Variants in KIF27 observed in about 807,000 individuals in gnomAD.
KIF27 encodes the protein kinesin family member 27.
A neutral mutation model predicts 141.8 loss-of-function variants in KIF27; 84 were observed. The ratio of observed to expected loss-of-function variants is 0.59; its 90% confidence interval spans 0.50 to 0.71. The LOEUF (loss-of-function observed/expected upper bound fraction) is 0.71. KIF27 is among the 30% of genes least tolerant of loss of function. The probability of loss-of-function intolerance (pLI) is 0.00; values close to 1 mark genes in which losing one functional copy is unlikely to be tolerated. For missense variants in KIF27, 1,306 were observed against 1,628.4 expected, an observed-to-expected ratio of 0.80 and a Z score of 3.41; for synonymous variants, 471 against 569.5, an observed-to-expected ratio of 0.83 and a Z score of 2.46.
chr9:83,899,884 A>G, intron 4 of KIF27, 80 bp from the exon 5 acceptor site: 1 of 1,210,298 alleles, frequency 8.3e-7, no homozygotes, highest in Non-Finnish European at 1.1e-6. Context: ...AAAAATGGTG[A>G]TTTGATTATA....
chr9:83,903,544 A>G lies in KIF27; in HGVS notation c.974T>C (p.Phe325Ser), dbSNP rs779025482. The G allele has an allele frequency of 1.2e-6, 2 of 1,614,196 alleles. No individual in the cohort carries two copies. The highest frequency in any genetic ancestry group is 1.1e-5 in the South Asian group (1 of 91,076). The change falls in exon 4 of 18, where the codon TTT (phenylalanine) becomes TCT (serine). Residue 325 changes from phenylalanine to serine, a missense_variant. Transcript: ENST00000297814. ...ITCVSPSSSN[F>S]DESLNSLKYA... The stretch of plus-strand genomic sequence containing the variant: ...TTTGAGAGAATTTAAGGACTCATCA[A>G]AATTCGAGGAGGAGGGGCTGACACA...
At chr9:83,916,092 T>C (rs1464338371) in intron 1 of KIF27, among the ~76,000 whole-genome samples, 1 of 152,192 alleles carries the variant, frequency 6.6e-6, no homozygotes, top group Non-Finnish European at 1.5e-5. Context: ...AACGCAGTGG[T>C]GAGATCTCGG....
chr9:83,867,306 AATGTTC>A (rs1248503038), intron 13 of KIF27, among the ~76,000 whole-genome samples: 1 of 151,954 alleles, frequency 6.6e-6, no homozygotes, highest in Non-Finnish European at 1.5e-5. Flanking sequence ...TGTTACTATG[AATGTTC>A]ATGTTCAAGT....
At chr9:83,866,397 G>C (rs561765306) in intron 13 of KIF27, among the ~76,000 whole-genome samples, 65 of 152,178 alleles carry the variant, frequency 4.3e-4, no homozygotes, top group East Asian at 3.5e-3. Flanking sequence ...TAGGTACTTG[G>C]AATGCAGCAT....
At chr9:83,838,840 A>G (rs907046474) in intron 17 of KIF27, 17 of 152,216 alleles carry the variant, frequency 1.1e-4, no homozygotes, top group African/African-American at 4.1e-4. Context: ...CCCCTGGTTT[A>G]AAACATAACT....
chr9:83,918,741 G>C (rs914962432), intron 1 of KIF27, among the ~76,000 whole-genome samples: 4 of 151,912 alleles, frequency 2.6e-5, no homozygotes, highest in African/African-American at 9.7e-5. Flanking sequence ...AGGAGTTCAA[G>C]ACCAGCCTGG....
At chr9:83,888,835 A>C (rs1416173839) in intron 7 of KIF27, among the ~76,000 whole-genome samples, 1 of 151,388 alleles carries the variant, frequency 6.6e-6, no homozygotes, top group Non-Finnish European at 1.5e-5. Context: ...AAAAAAAAAA[A>C]AACCTCTGAA....
rs557103634 is a variant in KIF27 at position 83,910,745 on chromosome 9, C to T, written c.299-2093G>A. ...CAGCTTCTACAAACCAGAACACAGA[C>T]CGGTACCATAACATCATGAGTAAAC... On this transcript the variant is annotated intron_variant, in intron 2 of 17. Coordinates refer to ENST00000297814, the MANE Select transcript of KIF27 (RefSeq NM_017576.4). Among the ~76,000 whole-genome samples the T allele has an allele frequency of 3.3e-5, 5 of 152,320 alleles. No homozygotes were observed. In the South Asian group the frequency reaches 1.0e-3, roughly 32 times the overall value.
intron 13 of KIF27, among the ~76,000 whole-genome samples, chr9:83,864,040 T>A (rs1171229432): frequency 6.6e-6 from 1 of 152,200 alleles, no homozygotes; most frequent in East Asian, 1.9e-4. Context: ...TATCATTTTT[T>A]ATTGCGTCTA....
intron 5 of KIF27, among the ~76,000 whole-genome samples, chr9:83,893,176 A>G (rs1188862201): frequency 6.6e-6 from 1 of 152,204 alleles, no homozygotes; most frequent in Non-Finnish European, 1.5e-5. Context: ...GGTCGAGGCT[A>G]CAGTGACTCA....
At chr9:83,862,624 G>T (rs1273740518) in intron 13 of KIF27, among the ~76,000 whole-genome samples, 12 of 152,184 alleles carry the variant, frequency 7.9e-5, no homozygotes, top group Non-Finnish European at 1.3e-4. Context: ...CTCCAGCTTT[G>T]TTCTTTTGGC....
intron 16 of KIF27, among the ~76,000 whole-genome samples, chr9:83,847,176 C>A (rs35992705): frequency 6.6e-6 from 1 of 152,156 alleles, no homozygotes; most frequent in Non-Finnish European, 1.5e-5. Flanking sequence ...AAAGGGAATA[C>A]AGAATGGGTA....
At chr9:83,911,072 CT>C (rs1313616488) in intron 2 of KIF27, among the ~76,000 whole-genome samples, 2 of 151,916 alleles carry the variant, frequency 1.3e-5, no homozygotes, top group Non-Finnish European at 2.9e-5. Context: ...TTTTTCTTTT[CT>C]TTTTCTTTTT....
intron 11 of KIF27, 128 bp from the exon 12 acceptor site, chr9:83,870,760 G>A: frequency 7.1e-7 from 1 of 1,408,326 alleles, no homozygotes; most frequent in Non-Finnish European, 9.3e-7. Context: ...ACCCAGGCTG[G>A]AGTGCAGTGG....
At chr9:83,889,401 G>A (rs1345247298) in intron 6 of KIF27, 148 bp from the exon 7 acceptor site, 5 of 576,834 alleles carry the variant, frequency 8.7e-6, no homozygotes, top group East Asian at 5.9e-5. Flanking sequence ...CTCAAACAAA[G>A]GTCAAAATTA....
chr9:83,834,933 ATATATACAAGTGTT>A lies in KIF27; in HGVS notation c.*2054_*2067del, dbSNP rs1185098300. Among the ~76,000 whole-genome samples the A allele has an allele frequency of 6.7e-6, 1 of 148,954 alleles. No individual in the cohort carries two copies. Among genetic ancestry groups the A allele is most frequent in the Admixed American group, 6.8e-5 (1 of 14,808 alleles). On this transcript the variant is annotated 3_prime_UTR_variant, in exon 18 of 18. Coordinates refer to ENST00000297814, the MANE Select transcript of KIF27 (RefSeq NM_017576.4). ...TATACAAGTATATATATAATACTAT[ATATATACAAGTGTT>A]TATATACAAGTATATATAATGGTAA...
At chr9:83,920,371 CAAT>C (rs1956132875) in intron 1 of KIF27, among the ~76,000 whole-genome samples, 1 of 151,928 alleles carries the variant, frequency 6.6e-6, no homozygotes, top group Non-Finnish European at 1.5e-5. Context: ...ATTATGTTGC[CAAT>C]AAATGATTTA....
intron 16 of KIF27, among the ~76,000 whole-genome samples, chr9:83,844,093 A>G (rs993533964): frequency 5.3e-5 from 8 of 152,092 alleles, no homozygotes; most frequent in Non-Finnish European, 1.2e-4. Context: ...CTGCCAGCGA[A>G]TATGAAGCAG....
In KIF27 at chr9:83,904,122, TA is replaced by T. The variant is rs1000544688; in HGVS notation, c.500-105del. The T allele has an allele frequency of 8.1e-6, 6 of 744,862 alleles. No homozygotes were observed. The African/African-American group carries it at 8.7e-5, about 11-fold the overall frequency. 46.1% of individuals were successfully genotyped at this position (744,862 alleles called of 1,614,324 possible). On this transcript the variant is annotated intron_variant, in intron 3 of 17. Transcript: ENST00000297814. ...AGCCTGGCCAAGATAGTCCCTTTTT[TA>T]AAAAGTCAACAGCATTTCAGATAAT...
Sources: allele counts gnomAD v4.1 joint callset (sites outside exome capture counted in the v4.1 genomes callset), GRCh38; gene constraint gnomAD v4.1.1; transcripts MANE v1.5; gene names NCBI Gene and HGNC (gene_info 2026-07-23, HGNC 2026-07-21).